SNX29: variants seen among roughly 807,000 people sequenced by gnomAD.
The protein encoded by SNX29 is sorting nexin 29, also known as sorting nexin-29.
SNX29 carries 78 observed loss-of-function variants against 102.1 expected under a neutral mutation model. That is an observed-to-expected ratio of 0.76 (90% CI 0.64 to 0.92). SNX29 has a LOEUF of 0.92. Among genes scored for constraint, SNX29 ranks in the 40% least tolerant of loss-of-function variants. SNX29 has a pLI of 0.00. For synonymous variants in SNX29, 580 were observed against 414.5 expected, an observed-to-expected ratio of 1.40 and a Z score of -4.85; for missense variants, 1,280 against 1,061.7, an observed-to-expected ratio of 1.21 and a Z score of -2.86.
intron 13 of SNX29, among the ~76,000 whole-genome samples, chr16:12,195,829 G>T (rs1403106056): frequency 6.6e-6 from 1 of 152,090 alleles, no homozygotes; most frequent in African/African-American, 2.4e-5. Context: ...AACCAACCTC[G>T]TGATGTGTTG....
At chr16:12,350,202 G>A (rs191661139) in intron 15 of SNX29, among the ~76,000 whole-genome samples, 2 of 152,258 alleles carry the variant, frequency 1.3e-5, no homozygotes, top group South Asian at 2.1e-4. Flanking sequence ...CTGTATCTGC[G>A]ACTCTGCATC....
At chr16:12,030,186 C>A (rs1189369758) in intron 4 of SNX29, among the ~76,000 whole-genome samples, 1 of 152,180 alleles carries the variant, frequency 6.6e-6, no homozygotes, top group East Asian at 1.9e-4. Context: ...AAATATTATT[C>A]ATCCTTGGAT....
intron 13 of SNX29, among the ~76,000 whole-genome samples, chr16:12,194,681 C>CA (rs1486870298): frequency 6.9e-6 from 1 of 145,548 alleles, no homozygotes; most frequent in African/African-American, 2.6e-5. Flanking sequence ...GGCTGGAGTG[C>CA]AGTGGTGTGA....
chr16:12,380,924 A>C (rs1379916862), intron 16 of SNX29, among the ~76,000 whole-genome samples: 1 of 62,910 alleles, frequency 1.6e-5, no homozygotes, highest in African/African-American at 7.9e-5. Flanking sequence ...TCCACCCACC[A>C]TCCATCCATC....
At chr16:12,401,719 C>G (rs1004992302) in intron 17 of SNX29, among the ~76,000 whole-genome samples, 8 of 152,164 alleles carry the variant, frequency 5.3e-5, no homozygotes, top group East Asian at 1.9e-4. Flanking sequence ...AAACTGAATG[C>G]TCCAGAAGAA....
chr16:12,304,081 C>A (rs541898359), intron 15 of SNX29, among the ~76,000 whole-genome samples: 3 of 152,182 alleles, frequency 2.0e-5, no homozygotes, highest in Admixed American at 1.3e-4. Context: ...AGAATGATTT[C>A]TACCTGAGAG....
chr16:12,517,652 A>T (rs2089923941), intron 19 of SNX29, among the ~76,000 whole-genome samples: 1 of 152,208 alleles, frequency 6.6e-6, no homozygotes, highest in Non-Finnish European at 1.5e-5. Context: ...TCCGGCGATA[A>T]AGGGATGAAC....
chr16:12,325,179 CTGAAATGTCTGCATTT>C (rs1277827426), intron 15 of SNX29, among the ~76,000 whole-genome samples: 1 of 152,170 alleles, frequency 6.6e-6, no homozygotes, highest in Admixed American at 6.5e-5. Context: ...GAATAGAAAT[CTGAAATGTCTGCATTT>C]TGACTATAGC....
At chr16:12,087,996 T>A in intron 11 of SNX29, 1 of 456,670 alleles carries the variant, frequency 2.2e-6, no homozygotes, top group South Asian at 1.5e-5. Context: ...CAGGGGGCCA[T>A]GGTCCTTTGG....
intron 15 of SNX29, among the ~76,000 whole-genome samples, chr16:12,300,445 CT>C (rs1158688069): frequency 6.6e-6 from 1 of 152,088 alleles, no homozygotes; most frequent in Non-Finnish European, 1.5e-5. Context: ...ATTTTACTGT[CT>C]TTTTATCTTC....
chr16:12,270,898 C>T (rs932678468), intron 14 of SNX29, among the ~76,000 whole-genome samples: 1 of 152,032 alleles, frequency 6.6e-6, no homozygotes, highest in African/African-American at 2.4e-5. Flanking sequence ...AAAAAATTAG[C>T]TGGGCGTGGT....
At chr16:12,536,929 TCACAGCA>T (rs2077102383) in intron 20 of SNX29, among the ~76,000 whole-genome samples, 1 of 152,052 alleles carries the variant, frequency 6.6e-6, no homozygotes, top group African/African-American at 2.4e-5. Context: ...TGAGCCGAGA[TCACAGCA>T]CTGCACTCCA....
intron 14 of SNX29, among the ~76,000 whole-genome samples, chr16:12,206,834 T>TTTTTTA (rs1555487717): frequency 1.5e-4 from 23 of 150,840 alleles, no homozygotes; most frequent in Admixed American, 2.6e-4. Flanking sequence ...TTTTTTTTTT[T>TTTTTTA]AAAGCTTCCC....
intron 14 of SNX29, among the ~76,000 whole-genome samples, chr16:12,219,930 G>A (rs544048499): frequency 6.0e-4 from 91 of 152,262 alleles, no homozygotes; most frequent in African/African-American, 1.1e-3. Context: ...GCACACACGT[G>A]TACACACACG....
At chr16:12,080,845 G>A (rs1039554762) in intron 11 of SNX29, among the ~76,000 whole-genome samples, 37 of 151,236 alleles carry the variant, frequency 2.4e-4, no homozygotes, top group African/African-American at 6.1e-4. Flanking sequence ...GCCCACGCCC[G>A]GCTAATTTTT....
intron 16 of SNX29, among the ~76,000 whole-genome samples, chr16:12,386,382 T>C (rs935460599): frequency 6.6e-6 from 1 of 152,226 alleles, no homozygotes; most frequent in African/African-American, 2.4e-5. Flanking sequence ...GGAATTACCA[T>C]ATTCTTTCCA....
intron 3 of SNX29, among the ~76,000 whole-genome samples, chr16:12,023,116 C>T (rs1434370280): frequency 1.3e-5 from 2 of 151,928 alleles, no homozygotes; most frequent in Non-Finnish European, 2.9e-5. Context: ...AGGCTGGTCT[C>T]GAACTCCTGA....
intron 20 of SNX29, among the ~76,000 whole-genome samples, chr16:12,561,421 G>C (rs1363794391): frequency 6.6e-6 from 1 of 152,178 alleles, no homozygotes; most frequent in African/African-American, 2.4e-5. Flanking sequence ...AGTCCTAGCT[G>C]GGTTGCAGGG....
chr16:12,027,197 T>C, intron 3 of SNX29, 123 bp from the exon 4 acceptor site: 1 of 1,200,538 alleles, frequency 8.3e-7, no homozygotes, highest in South Asian at 1.4e-5. Flanking sequence ...TCCAGGTGTC[T>C]CCTGTCTGCC....
Sources: allele counts gnomAD v4.1 joint callset (sites outside exome capture counted in the v4.1 genomes callset), GRCh38; gene constraint gnomAD v4.1.1; transcripts MANE v1.5; gene names NCBI Gene and HGNC (gene_info 2026-07-23, HGNC 2026-07-21).